The following APPBP2 variants were observed in gnomAD, a reference collection of about 807,000 sequenced individuals.
APPBP2 encodes the protein amyloid beta precursor protein binding protein 2, also known as amyloid protein-binding protein 2.
APPBP2 carries 15 observed loss-of-function variants against 76.0 expected under a neutral mutation model. The ratio of observed to expected loss-of-function variants is 0.20; its 90% confidence interval spans 0.13 to 0.30. The LOEUF (loss-of-function observed/expected upper bound fraction) is 0.30. Ranked by LOEUF, APPBP2 falls within the 10% of genes least tolerant of loss-of-function variation. The pLI, the probability that APPBP2 is intolerant of heterozygous loss-of-function variation, is 1.00. For synonymous variants in APPBP2, 222 were observed against 242.2 expected, an observed-to-expected ratio of 0.92 and a Z score of 0.77; for missense variants, 401 against 687.2, an observed-to-expected ratio of 0.58 and a Z score of 4.66.
At chr17:60,475,079 A>C (rs1305016485) in intron 4 of APPBP2, among the ~76,000 whole-genome samples, 1 of 152,012 alleles carries the variant, frequency 6.6e-6, no homozygotes, top group Non-Finnish European at 1.5e-5. Context: ...AATACAAAAA[A>C]ATTAGCTGGG....
chr17:60,483,539 G>A (rs896937858), intron 3 of APPBP2, among the ~76,000 whole-genome samples: 52 of 151,882 alleles, frequency 3.4e-4, no homozygotes, highest in African/African-American at 9.9e-4. Context: ...GACTATAGGC[G>A]CCCACCACCA....
intron 9 of APPBP2, among the ~76,000 whole-genome samples, chr17:60,458,830 A>AGTGGT (rs1234866445): frequency 6.7e-6 from 1 of 149,248 alleles, no homozygotes; most frequent in Non-Finnish European, 1.5e-5. Flanking sequence ...GCTGGAGTGC[A>AGTGGT]GTGGTGATCT....
intron 4 of APPBP2, among the ~76,000 whole-genome samples, chr17:60,477,755 T>C (rs1261106624): frequency 2.4e-5 from 2 of 84,072 alleles, no homozygotes; most frequent in African/African-American, 1.0e-4. Flanking sequence ...AAGCCTTGTA[T>C]AAAAAAGGTC....
At chr17:60,520,253 C>T (rs1004055176) in intron 1 of APPBP2, among the ~76,000 whole-genome samples, 1 of 151,912 alleles carries the variant, frequency 6.6e-6, no homozygotes, top group Non-Finnish European at 1.5e-5. Flanking sequence ...TTTTTCTTTT[C>T]AGCATAATAC....
chr17:60,462,338 ACCC>A (rs2090481328), intron 6 of APPBP2: 1 of 312,364 alleles, frequency 3.2e-6, no homozygotes, highest in Non-Finnish European at 5.8e-6. Context: ...AAGCTGGTAT[ACCC>A]CCATTTTCCG....
Position 60,494,576 on chromosome 17 carries a change from C to G in APPBP2, c.269G>C (p.Gly90Ala). The change falls in exon 3 of 13, where the codon GGT (glycine) becomes GCT (alanine). Residue 90 changes from glycine to alanine, a missense_variant. Transcript: ENST00000083182. Reference sequence around the variant, plus strand: ...GGCCAAGACTGAAGCAACTTTAACACCATGATCCATCAAAGCCTGAAAACA... The same window carrying G: ...GGCCAAGACTGAAGCAACTTTAACAGCATGATCCATCAAAGCCTGAAAACA... The part of the protein sequence containing the change: ...HHCFQALMDH[G>A]VKVASVLAYS... 1 of 1,608,498 alleles carries G rather than the reference C, an allele frequency of 6.2e-7. No individual in the cohort carries two copies. The highest frequency in any genetic ancestry group is 8.5e-7 in the Non-Finnish European group (1 of 1,178,944).
At chr17:60,510,697 C>A (rs1021724752) in intron 1 of APPBP2, among the ~76,000 whole-genome samples, 1 of 152,042 alleles carries the variant, frequency 6.6e-6, no homozygotes, top group African/African-American at 2.4e-5. Flanking sequence ...GCCTGGGAGA[C>A]AAAGTGAGAT....
intron 3 of APPBP2, among the ~76,000 whole-genome samples, chr17:60,490,703 C>G (rs1354414189): frequency 2.0e-5 from 3 of 152,174 alleles, no homozygotes; most frequent in South Asian, 2.1e-4. Context: ...ATGGGAGGGA[C>G]CTGGTGGGAG....
chr17:60,501,594 C>T (rs2090823958), intron 1 of APPBP2, among the ~76,000 whole-genome samples: 1 of 152,024 alleles, frequency 6.6e-6, no homozygotes. Flanking sequence ...GACGGGGTTT[C>T]ACCATGTTGG....
At chr17:60,507,461 A>G (rs2090877891) in intron 1 of APPBP2, among the ~76,000 whole-genome samples, 1 of 152,090 alleles carries the variant, frequency 6.6e-6, no homozygotes, top group South Asian at 2.1e-4. Context: ...ACCTCACGTG[A>G]GCTGCCCACC....
intron 1 of APPBP2, among the ~76,000 whole-genome samples, chr17:60,519,555 C>T (rs751769695): frequency 7.3e-5 from 11 of 151,296 alleles, no homozygotes; most frequent in Admixed American, 4.0e-4. Context: ...CCTAGCTACT[C>T]GGGACGATGA....
At chr17:60,483,037 A>G (rs1015736281) in intron 3 of APPBP2, among the ~76,000 whole-genome samples, 34 of 152,074 alleles carry the variant, frequency 2.2e-4, no homozygotes, top group African/African-American at 7.7e-4. Flanking sequence ...ACTAGTTTAC[A>G]CTCCCACCAA....
At chr17:60,451,762 A>G (rs765608469) in intron 12 of APPBP2, 118 bp downstream of exon 12, 5 of 877,640 alleles carry the variant, frequency 5.7e-6, no homozygotes, top group Non-Finnish European at 8.5e-6. Context: ...TACAGGTATG[A>G]GCCACCGCAC....
chr17:60,483,826 T>C (rs1250254602), intron 3 of APPBP2, among the ~76,000 whole-genome samples: 2 of 152,220 alleles, frequency 1.3e-5, no homozygotes, highest in South Asian at 2.1e-4. Context: ...CTGAATGGTA[T>C]TGCCCAGGTT....
chr17:60,456,018 T>C (rs1008843977), intron 10 of APPBP2, among the ~76,000 whole-genome samples: 3 of 152,218 alleles, frequency 2.0e-5, no homozygotes, highest in Non-Finnish European at 4.4e-5. Context: ...CCTCAGGTGA[T>C]CTGCCTGCCT....
At chr17:60,505,679 T>TTG (rs1209936180) in intron 1 of APPBP2, among the ~76,000 whole-genome samples, 46 of 124,240 alleles carry the variant, frequency 3.7e-4, no homozygotes, top group African/African-American at 1.5e-3. Context: ...CCCTGCGGTT[T>TTG]TTTTTTTTTT....
intron 2 of APPBP2, among the ~76,000 whole-genome samples, chr17:60,500,080 T>C (rs111289287): frequency 0.081 from 12,306 of 151,508 alleles, 1,668 homozygotes; most frequent in African/African-American, 0.28. Context: ...GGCGCGATCT[T>C]GGCTCACTGC....
Position 60,444,843 on chromosome 17 carries a change from G to A in APPBP2, c.*2738C>T, listed in dbSNP as rs1026805973. On this transcript the variant is annotated 3_prime_UTR_variant, in exon 13 of 13. Transcript: ENST00000083182. ...AGACTGGGTAGAAGAGTCAGAGAAG[G>A]ATGAGACCAAAGGCCCCTAATTTAA... The A allele has an allele frequency of 1.3e-5, 2 of 152,528 alleles. No homozygotes were observed. The allele number at this position is 152,528 out of a possible 1,614,324, so 9.4% of individuals were successfully genotyped here.
At chr17:60,476,931 T>C (rs1163040425) in intron 4 of APPBP2, among the ~76,000 whole-genome samples, 1 of 152,146 alleles carries the variant, frequency 6.6e-6, no homozygotes, top group Non-Finnish European at 1.5e-5. Context: ...GACCCATGAG[T>C]TCATTCATGC....
Sources: allele counts gnomAD v4.1 joint callset (sites outside exome capture counted in the v4.1 genomes callset), GRCh38; gene constraint gnomAD v4.1.1; transcripts MANE v1.5; gene names NCBI Gene and HGNC (gene_info 2026-07-23, HGNC 2026-07-21).